The following PUF60 variants were observed in gnomAD, a reference collection of about 807,000 sequenced individuals.
The protein encoded by PUF60 is poly(U)-binding-splicing factor PUF60.
Under a neutral mutation model 61.8 loss-of-function variants are expected in PUF60, and 10 were observed. The ratio of observed to expected loss-of-function variants is 0.16; its 90% confidence interval spans 0.10 to 0.27. The LOEUF is 0.27. Ranked by LOEUF, PUF60 falls within the 10% of genes least tolerant of loss-of-function variation. The pLI is 1.00. For missense variants in PUF60, 371 were observed against 754.0 expected (o/e 0.49, Z 5.95); for synonymous variants, 353 against 300.9 (o/e 1.17, Z -1.79).
At chr8:143,819,252 C>G (rs1197778787) in intron 5 of PUF60, among the ~76,000 whole-genome samples, 1 of 152,162 alleles carries the variant, frequency 6.6e-6, no homozygotes, top group African/African-American at 2.4e-5. Context: ...CTACGAGAAG[C>G]CCCCAGGCTC....
chr8:143,818,978 G>A lies in PUF60; in HGVS notation c.349-444C>T, dbSNP rs1586575603. ...ACCCACTGGTTTGGTGGCCAGAAGAGAGGAGGTCAGAAGACAGGGCAGCCA... is the reference window on the plus strand; with the variant it reads ...ACCCACTGGTTTGGTGGCCAGAAGAAAGGAGGTCAGAAGACAGGGCAGCCA... On this transcript the variant is annotated intron_variant, in intron 5 of 11. Coordinates refer to ENST00000526683, the MANE Select transcript of PUF60 (RefSeq NM_078480.3). This position sits in a 1 kb window ranked among gnomAD's most constrained non-coding sequence, Gnocchi z 7.9. 5.6e-6 allele frequency: 1 copy of A among 178,562 alleles called. No individual in the cohort carries two copies. The highest frequency in any genetic ancestry group is 1.6e-4 in the East Asian group (1 of 6,210). 11.1% of individuals were successfully genotyped at this position (178,562 alleles called of 1,614,324 possible).
chr8:143,824,246 A>ACAGGCAGGCGGG (rs1817369267), intron 2 of PUF60, 67 bp downstream of exon 2: 4 of 1,470,574 alleles, frequency 2.7e-6, no homozygotes, highest in Admixed American at 4.0e-5. Flanking sequence ...CCAGGGACGC[A>ACAGGCAGGCGGG]CAGGCAGGCG....
rs1317244394 is a variant in PUF60 at position 143,818,011 on chromosome 8, C to T, written c.668G>A (p.Arg223Gln). ...PIIDQLAEEA[R>Q]AFNRIYVASV... is the part of the protein sequence containing the mutation. ...GGCCACGTAGATGCGGTTGAAGGCCCGTGCCTCCTCAGCCAACTGGTCTAT... is the reference window on the plus strand; with the variant it reads ...GGCCACGTAGATGCGGTTGAAGGCCTGTGCCTCCTCAGCCAACTGGTCTAT... The change falls in exon 8 of 12, where the codon CGG (arginine) becomes CAG (glutamine). Residue 223 changes from arginine (R) to glutamine (Q), a missense_variant. Arg to Gln is a conservative substitution (Grantham distance 43). Around this residue, in one of 13 missense-constraint regions of PUF60, gnomAD observed 31 missense variants for 80.6 expected, o/e 0.38. Coordinates refer to ENST00000526683, the MANE Select transcript of PUF60 (RefSeq NM_078480.3). The surrounding 1 kb of genome is among the most constrained non-coding windows in gnomAD (Gnocchi z 7.9). The T allele has an allele frequency of 1.2e-5, 19 of 1,612,828 alleles. No homozygotes were observed. Among genetic ancestry groups the T allele is most frequent in the Non-Finnish European group, 1.5e-5 (18 of 1,179,830 alleles).
chr8:143,817,820 G>T lies in PUF60; in HGVS notation c.818-38C>A. The T allele has an allele frequency of 6.2e-7, 1 of 1,607,276 alleles. No homozygotes were observed. Among genetic ancestry groups the T allele is most frequent in the African/African-American group, 1.3e-5 (1 of 74,940 alleles). Reference sequence around the variant, plus strand: ...GCAGCAGTGAGCAGGGCCAGCCCCAGCCTCAGGTGGCCCCCATCCCGCCTC... The same window carrying T: ...GCAGCAGTGAGCAGGGCCAGCCCCATCCTCAGGTGGCCCCCATCCCGCCTC... On this transcript the variant is annotated intron_variant, in intron 8 of 11. Transcript: ENST00000526683. This position sits in a 1 kb window ranked among gnomAD's most constrained non-coding sequence, Gnocchi z 7.4.
chr8:143,829,135 C>G, intron 1 of PUF60, 145 bp downstream of exon 1: 3 of 1,196,180 alleles, frequency 2.5e-6, no homozygotes, highest in Non-Finnish European at 3.1e-6. Flanking sequence ...CCGCCCCCGC[C>G]TCACGCGACC....
chr8:143,829,015 C>A lies in PUF60; in HGVS notation c.24+265G>T. 3 of 996,970 alleles carry A rather than the reference C, an allele frequency of 3.0e-6. No individual in the cohort carries two copies. In the South Asian group the frequency reaches 1.4e-4, roughly 46 times the overall value. 61.8% of individuals were successfully genotyped at this position (996,970 alleles called of 1,614,324 possible). A position where few individuals can be genotyped will look rare whatever the true frequency, so the allele number is the denominator to read the frequency against. ...GACAGGAACGCAACCCCGCCAGGCT[C>A]GCCCGCAAGGGCCACACGCCGCGCC... On this transcript the variant is annotated intron_variant, in intron 1 of 11. Transcript: ENST00000526683.
chr8:143,823,960 G>T (rs1205074226), intron 2 of PUF60, among the ~76,000 whole-genome samples: 1 of 152,268 alleles, frequency 6.6e-6, no homozygotes, highest in Non-Finnish European at 1.5e-5. Flanking sequence ...GCGAGTTCTG[G>T]GAAGCTTGGC....
intron 2 of PUF60, among the ~76,000 whole-genome samples, chr8:143,824,003 ACG>A (rs1817323468): frequency 2.0e-5 from 3 of 152,236 alleles, no homozygotes; most frequent in Non-Finnish European, 4.4e-5. Flanking sequence ...ATGCCTAAGA[ACG>A]CGCGAGCTCC....
chr8:143,821,939 C>G lies in PUF60; in HGVS notation c.112-26G>C, dbSNP rs550284593. 462 of 1,541,740 alleles carry G rather than the reference C, an allele frequency of 3.0e-4. 5 individuals are homozygous for G. The South Asian group carries it at 5.2e-3, about 17-fold the overall frequency. ...CTGGTAAGGGAGCAGGGGAATCCATCAGCAGCAAGCTCAAGTTCTCCTTCA... is the reference window on the plus strand; with the variant it reads ...CTGGTAAGGGAGCAGGGGAATCCATGAGCAGCAAGCTCAAGTTCTCCTTCA... On this transcript the variant is annotated intron_variant, in intron 2 of 11. Coordinates refer to ENST00000526683, the MANE Select transcript of PUF60 (RefSeq NM_078480.3).
At chr8:143,826,865 C>T (rs1183835908) in intron 1 of PUF60, among the ~76,000 whole-genome samples, 1 of 152,240 alleles carries the variant, frequency 6.6e-6, no homozygotes, top group Non-Finnish European at 1.5e-5. Context: ...ACGCCCCCAA[C>T]CCCACAACCT....
intron 1 of PUF60, 166 bp downstream of exon 1, chr8:143,829,114 G>A: frequency 8.6e-7 from 1 of 1,157,032 alleles, no homozygotes; most frequent in Non-Finnish European, 1.1e-6. Context: ...GGCCGCCGGC[G>A]CGCGCCCGCC....
Position 143,818,154 on chromosome 8 carries a change from G to A in PUF60, c.603+39C>T. ...AAGGCTTCCGTGGAGGGGCAGCCCT[G>A]CACGCCTGCGGGATCGAGGCCTTGG... On this transcript the variant is annotated intron_variant, in intron 7 of 11. Coordinates refer to ENST00000526683, the MANE Select transcript of PUF60 (RefSeq NM_078480.3). The surrounding 1 kb of genome is among the most constrained non-coding windows in gnomAD (Gnocchi z 7.9). 6.3e-7 allele frequency: 1 copy of A among 1,599,658 alleles called. No homozygotes were observed. Among genetic ancestry groups the A allele is most frequent in the Non-Finnish European group, 8.5e-7 (1 of 1,173,182 alleles).
intron 1 of PUF60, chr8:143,824,719 G>C (rs1817452593): frequency 2.5e-6 from 1 of 392,216 alleles, no homozygotes; most frequent in South Asian, 3.1e-5. Flanking sequence ...CGGCAGGCTG[G>C]ACGGCCAAAG....
intron 5 of PUF60, 90 bp downstream of exon 5, chr8:143,820,576 G>A: frequency 3.5e-6 from 5 of 1,412,728 alleles, no homozygotes; most frequent in East Asian, 2.3e-5. Context: ...CCGGCCAGGG[G>A]AGCAAGGTCC....
chr8:143,824,742 T>C (rs968304394), intron 1 of PUF60: 4 of 361,836 alleles, frequency 1.1e-5, no homozygotes, highest in Non-Finnish European at 2.1e-5. Context: ...ACCGGCTGGG[T>C]GTCCCCCATG....
In PUF60 at chr8:143,816,798, T is replaced by C. The variant is rs1364999378; in HGVS notation, c.1402A>G (p.Asn468Asp). ...TCGATGTCCTTGGGGTCCACCATGT[T>C]GCGCAGAACCATCACTGTAGACTGT... is the stretch of plus-strand genomic sequence containing the variant. ...KQESTVMVLR[N>D]MVDPKDIDDD... Residue 468 changes from asparagine (N) to aspartate (D), a missense_variant, in exon 12 of 12, where the codon AAC (asparagine) becomes GAC (aspartate). This residue lies in a region of PUF60 where 38 missense variants were observed against 112.9 expected (regional missense o/e 0.34). Transcript: ENST00000526683. The C allele has an allele frequency of 6.2e-7, 1 of 1,613,310 alleles. No homozygotes were observed. The highest frequency in any genetic ancestry group is 1.1e-5 in the South Asian group (1 of 91,080).
intron 1 of PUF60, 73 bp from the exon 2 acceptor site, chr8:143,824,472 T>G: frequency 6.7e-7 from 1 of 1,499,800 alleles, no homozygotes; most frequent in Non-Finnish European, 9.1e-7. Context: ...CCTCCCGAGC[T>G]AAGGGCTGAG....
intron 2 of PUF60, 53 bp downstream of exon 2, chr8:143,824,248 AGGCAGGCGGGCG>A (rs1431451647): frequency 7.5e-6 from 11 of 1,468,932 alleles, no homozygotes; most frequent in Middle Eastern, 2.4e-4. Context: ...AGGGACGCAC[AGGCAGGCGGGCG>A]GGCGGGCGGG....
In PUF60 at chr8:143,816,542, T is replaced by C. The variant is rs758941113; in HGVS notation, c.1658A>G (p.Asp553Gly). Reference protein sequence around the residue: ...VAEVYDQERFDNSDLSA With the variant: ...VAEVYDQERFGNSDLSA ...CTGTCACGCAGAGAGGTCACTGTTA[T>C]CAAAACGCTCCTGGTCGTACACTTC... The change falls in exon 12 of 12, where the codon GAT becomes GGT. Residue 553 changes from aspartate to glycine, a missense_variant. Physicochemically the swap from Asp to Gly is moderately conservative, Grantham distance 94 (BLOSUM62 -1). Around this residue, in one of 13 missense-constraint regions of PUF60, gnomAD observed 17 missense variants for 37.3 expected, o/e 0.46. Transcript: ENST00000526683. 4 of 1,611,722 alleles carry C rather than the reference T, an allele frequency of 2.5e-6. No individual in the cohort carries two copies. Among genetic ancestry groups the C allele is most frequent in the East Asian group, 2.2e-5 (1 of 44,856 alleles).
Sources: gnomAD v4.1 joint callset for allele counts (sites outside exome capture counted in the v4.1 genomes callset) on GRCh38, gnomAD v4.1.1 for gene constraint, gnomAD v4.1.1 regional missense constraint, Gnocchi (gnomAD v3.1) non-coding constraint, MANE v1.5 for transcripts, NCBI Gene and HGNC (gene_info 2026-07-23, HGNC 2026-07-21) for gene names.